Variants in DLC1 observed in about 807,000 individuals in gnomAD.
DLC1 encodes rho GTPase-activating protein 7.
A neutral mutation model predicts 140.3 loss-of-function variants in DLC1; 54 were observed. The observed-to-expected ratio is 0.38, with a 90% CI of 0.31 to 0.48. DLC1 has a LOEUF of 0.48. DLC1 is among the 20% of genes least tolerant of loss of function. The pLI, the probability that DLC1 is intolerant of heterozygous loss-of-function variation, is 0.96. For missense variants in DLC1, 2,536 were observed against 1,907.0 expected (o/e 1.33, Z -6.14); for synonymous variants, 986 against 728.1 (o/e 1.35, Z -5.70).
intron 2 of DLC1, among the ~76,000 whole-genome samples, chr8:13,453,498 A>ATG (rs1193156967): frequency 2.8e-5 from 1 of 36,032 alleles, no homozygotes; most frequent in Non-Finnish European, 4.8e-5. Context: ...ATACATATAT[A>ATG]TATGTATATA....
intron 1 of DLC1, among the ~76,000 whole-genome samples, chr8:13,511,096 C>T (rs1229004556): frequency 1.3e-5 from 2 of 152,034 alleles, no homozygotes; most frequent in Non-Finnish European, 2.9e-5. Flanking sequence ...AAAAGAAACA[C>T]TAATTGAGTA....
At chr8:13,229,862 C>G (rs1585962542) in intron 5 of DLC1, among the ~76,000 whole-genome samples, 1 of 152,222 alleles carries the variant, frequency 6.6e-6, no homozygotes, top group African/African-American at 2.4e-5. Context: ...TTATCGGAAA[C>G]ATTTCCATCT....
intron 1 of DLC1, among the ~76,000 whole-genome samples, chr8:13,500,717 C>A (rs541341340): frequency 6.6e-6 from 1 of 152,086 alleles, no homozygotes; most frequent in Non-Finnish European, 1.5e-5. Flanking sequence ...CGAACCCAAA[C>A]GACCAGTATG....
chr8:13,380,801 T>A (rs756570549), intron 4 of DLC1, among the ~76,000 whole-genome samples: 1 of 152,198 alleles, frequency 6.6e-6, no homozygotes, highest in Non-Finnish European at 1.5e-5. Flanking sequence ...GCTGCAGAGC[T>A]TGCAAGAAGT....
At chr8:13,257,547 GTGTCAGTCATCA>G (rs1184672693) in intron 5 of DLC1, among the ~76,000 whole-genome samples, 1 of 151,386 alleles carries the variant, frequency 6.6e-6, no homozygotes, top group Non-Finnish European at 1.5e-5. Context: ...TATTTTATAC[GTGTCAGTCATCA>G]TGAGAATGTA....
At chr8:13,349,966 C>A (rs1017488288) in intron 4 of DLC1, among the ~76,000 whole-genome samples, 2 of 152,136 alleles carry the variant, frequency 1.3e-5, no homozygotes, top group African/African-American at 4.8e-5. Context: ...ACCAGCTTTT[C>A]CATACAATGG....
At chr8:13,381,322 G>A (rs1396680791) in intron 4 of DLC1, among the ~76,000 whole-genome samples, 1 of 152,172 alleles carries the variant, frequency 6.6e-6, no homozygotes, top group Non-Finnish European at 1.5e-5. Flanking sequence ...TGTGGAAAAA[G>A]TAACTGACCT....
chr8:13,560,976 T>A (rs928898819), intron 1 of DLC1, among the ~76,000 whole-genome samples: 11 of 152,204 alleles, frequency 7.2e-5, no homozygotes, highest in South Asian at 2.1e-4. Flanking sequence ...ATATATATAT[T>A]TTTTAATTAA....
chr8:13,516,195 A>G (rs1165178579), upstream of DLC1, among the ~76,000 whole-genome samples: 1 of 152,172 alleles, frequency 6.6e-6, no homozygotes, highest in Non-Finnish European at 1.5e-5. Flanking sequence ...CAGATTAATT[A>G]TTAGGTCTAT....
At chr8:13,111,797 G>C (rs1463725143) in intron 6 of DLC1, among the ~76,000 whole-genome samples, 1 of 152,000 alleles carries the variant, frequency 6.6e-6, no homozygotes, top group African/African-American at 2.4e-5. Flanking sequence ...CTTTGGACCA[G>C]ACCTGGGTGA....
chr8:13,136,778 G>T (rs754525210), intron 5 of DLC1, among the ~76,000 whole-genome samples: 3 of 152,134 alleles, frequency 2.0e-5, no homozygotes, highest in Admixed American at 6.5e-5. Flanking sequence ...CAAGTAGTCC[G>T]CCAGTCTTGG....
intron 5 of DLC1, among the ~76,000 whole-genome samples, chr8:13,128,297 G>C (rs908868050): frequency 2.0e-5 from 3 of 152,104 alleles, no homozygotes; most frequent in African/African-American, 7.2e-5. Context: ...GTCAACGCGG[G>C]CCAGAGTTTT....
chr8:13,595,228 A>T (rs1007162209), intron 1 of DLC1, among the ~76,000 whole-genome samples: 4 of 152,046 alleles, frequency 2.6e-5, no homozygotes, highest in African/African-American at 9.7e-5. Context: ...TTTTTTTTCC[A>T]ACAAAAATCA....
rs963037558 is a variant in DLC1 at position 13,595,244 on chromosome 8, A to AT, written c.-126+9292dup. Among the ~76,000 whole-genome samples, 12 of 151,938 alleles carry AT rather than the reference A, an allele frequency of 7.9e-5. No homozygotes were observed. In the South Asian group the frequency reaches 1.2e-3, roughly 16 times the overall value. ...TTTTTTTCCAACAAAAATCACAAGG[A>AT]TTTTTTTTAGAAAGACAGTAGTGTT... On this transcript the variant is annotated intron_variant, in intron 1 of 1. Transcript: ENST00000631382.
intron 1 of DLC1, among the ~76,000 whole-genome samples, chr8:13,601,035 A>T (rs1805863146): frequency 6.6e-6 from 1 of 151,780 alleles, no homozygotes; most frequent in Non-Finnish European, 1.5e-5. Context: ...TAAACTTTTT[A>T]AAAATGGTTA....
At chr8:13,240,557 C>T (rs1469809720) in intron 5 of DLC1, among the ~76,000 whole-genome samples, 2 of 152,138 alleles carry the variant, frequency 1.3e-5, no homozygotes, top group Non-Finnish European at 2.9e-5. Flanking sequence ...TCCCAAGTAG[C>T]TGGGACTACA....
intron 5 of DLC1, among the ~76,000 whole-genome samples, chr8:13,182,380 C>T (rs1210280441): frequency 3.3e-5 from 5 of 152,078 alleles, no homozygotes. Context: ...GTATTTTAGT[C>T]ATAAAATCCT....
At chr8:13,213,539 A>C (rs1828046929) in intron 5 of DLC1, among the ~76,000 whole-genome samples, 3 of 152,204 alleles carry the variant, frequency 2.0e-5, no homozygotes, top group African/African-American at 7.2e-5. Flanking sequence ...TTTAAAAAAC[A>C]CTAATGAGTT....
intron 1 of DLC1, among the ~76,000 whole-genome samples, chr8:13,584,857 T>A (rs998368523): frequency 6.6e-6 from 1 of 152,178 alleles, no homozygotes. Context: ...GCAATAGGTC[T>A]CAAAACCACA....
Sources: allele counts gnomAD v4.1 joint callset (sites outside exome capture counted in the v4.1 genomes callset), GRCh38; gene constraint gnomAD v4.1.1; transcripts MANE v1.5; gene names NCBI Gene and HGNC (gene_info 2026-07-23, HGNC 2026-07-21).